Variants in MGAT5B observed in about 807,000 individuals in gnomAD.
MGAT5B encodes the protein alpha-1,6-mannosylglycoprotein 6-beta-N-acetylglucosaminyltransferase B, also known as N-acetylglucosaminyl-transferase Vb.
In MGAT5B, 54 loss-of-function variants were observed where a neutral mutation model predicts 95.1. That is an observed-to-expected ratio of 0.57 (90% confidence interval 0.46 to 0.71). MGAT5B has a LOEUF of 0.71. Among genes scored for constraint, MGAT5B ranks in the 30% least tolerant of loss-of-function variants. The probability of loss-of-function intolerance (pLI) is 0.00; values close to 1 mark genes in which losing one functional copy is unlikely to be tolerated. For synonymous variants in MGAT5B, 464 were observed against 451.0 expected (o/e 1.03, Z -0.36); for missense variants, 935 against 1,088.6 (o/e 0.86, Z 1.99).
intron 16 of MGAT5B, among the ~76,000 whole-genome samples, 185 bp downstream of exon 16, chr17:76,946,635 G>A (rs553772803): frequency 3.3e-5 from 5 of 150,132 alleles, no homozygotes; most frequent in Non-Finnish European, 7.5e-5. Context: ...CTGACTGCGG[G>A]CCTGGAAAGC....
chr17:76,928,482 G>A (rs951298289), intron 10 of MGAT5B, among the ~76,000 whole-genome samples: 1 of 152,008 alleles, frequency 6.6e-6, no homozygotes, highest in Non-Finnish European at 1.5e-5. Context: ...TGAGGCAGGC[G>A]GATCATGAGG....
chr17:76,871,536 T>C (rs144303774), intron 1 of MGAT5B, among the ~76,000 whole-genome samples: 282 of 152,352 alleles, frequency 1.9e-3, no homozygotes, highest in African/African-American at 6.1e-3. Context: ...TTGTGCTTTT[T>C]ATTTCCTTCT....
In MGAT5B at chr17:76,949,720, C is replaced by G. The variant is rs1970148506; in HGVS notation, c.*882C>G. 1 of 152,184 alleles carries G rather than the reference C, an allele frequency of 6.6e-6. No individual in the cohort carries two copies. The highest frequency in any genetic ancestry group is 2.4e-5 in the African/African-American group (1 of 41,422). 9.4% of individuals were successfully genotyped at this position (152,184 alleles called of 1,614,324 possible). A position where few individuals can be genotyped will look rare whatever the true frequency, so the allele number is the denominator to read the frequency against. Reference sequence around the variant, plus strand: ...AGGTTTCCAGTCCAGCCTCAGAGATCAGGCTCTGGGACCCCTGCCTGGGGG... The same window carrying G: ...AGGTTTCCAGTCCAGCCTCAGAGATGAGGCTCTGGGACCCCTGCCTGGGGG... On this transcript the variant is annotated 3_prime_UTR_variant, in exon 18 of 18. Coordinates refer to ENST00000569840, the MANE Select transcript of MGAT5B (RefSeq NM_001199172.2).
chr17:76,925,634 A>G (rs1969289266), intron 9 of MGAT5B, among the ~76,000 whole-genome samples: 1 of 152,090 alleles, frequency 6.6e-6, no homozygotes, highest in African/African-American at 2.4e-5. Context: ...ACGATCCCAC[A>G]TGATTTTATT....
At chr17:76,923,372 C>T (rs569699986) in intron 8 of MGAT5B, among the ~76,000 whole-genome samples, 1 of 134,390 alleles carries the variant, frequency 7.4e-6, no homozygotes, top group African/African-American at 3.1e-5. Context: ...TGTCCTGGGC[C>T]TCCTGCAGAG....
In MGAT5B at chr17:76,937,756, A is replaced by G. The variant is rs960857827; in HGVS notation, c.1429-232A>G. Among the ~76,000 whole-genome samples the G allele has an allele frequency of 2.0e-5, 3 of 152,208 alleles. No homozygotes were observed. In the East Asian group the frequency reaches 5.8e-4, roughly 29 times the overall value. The stretch of plus-strand genomic sequence containing the variant: ...CATAGGGTTCCTTTGGAAAGAAAAC[A>G]GTTTCATGGCTAAAAGTAATCCTGA... On this transcript the variant is annotated intron_variant, in intron 12 of 17. Transcript: ENST00000569840.
intron 2 of MGAT5B, among the ~76,000 whole-genome samples, chr17:76,879,588 C>T (rs1055265675): frequency 1.3e-5 from 2 of 151,972 alleles, no homozygotes; most frequent in Non-Finnish European, 2.9e-5. Context: ...ACCCTTTAGG[C>T]GGCCACAATA....
chr17:76,929,027 G>A (rs1969403421), intron 10 of MGAT5B, among the ~76,000 whole-genome samples: 1 of 151,986 alleles, frequency 6.6e-6, no homozygotes, highest in African/African-American at 2.4e-5. Context: ...CACTTAGCCT[G>A]GCTAATTTTT....
At chr17:76,908,182 C>A (rs767968482) in intron 8 of MGAT5B, among the ~76,000 whole-genome samples, 2 of 151,304 alleles carry the variant, frequency 1.3e-5, no homozygotes, top group Non-Finnish European at 2.9e-5. Flanking sequence ...AAAAGTTATC[C>A]ATCTTTTTCT....
intron 10 of MGAT5B, among the ~76,000 whole-genome samples, chr17:76,931,622 T>C (rs1009595924): frequency 1.4e-5 from 2 of 145,974 alleles, no homozygotes; most frequent in African/African-American, 2.5e-5. Flanking sequence ...AGGCAGAGCC[T>C]GGTGATTGTC....
intron 12 of MGAT5B, among the ~76,000 whole-genome samples, chr17:76,934,284 T>C (rs4789378): frequency 0.64 from 97,653 of 152,058 alleles, 31,516 homozygotes; most frequent in East Asian, 0.65. Context: ...GCCCACTCTA[T>C]AAATGAGGAC....
intron 15 of MGAT5B, chr17:76,946,153 C>A (rs1015492321): frequency 4.1e-6 from 2 of 485,646 alleles, no homozygotes; most frequent in Non-Finnish European, 7.3e-6. Context: ...TGAGGCTGGG[C>A]CTTGTGGGTC....
chr17:76,948,516 C>T, intron 17 of MGAT5B, 124 bp from the exon 18 acceptor site: 7 of 1,016,660 alleles, frequency 6.9e-6, no homozygotes, highest in Non-Finnish European at 1.0e-5. Context: ...CTTACCCAGG[C>T]TGGGATGGGA....
intron 11 of MGAT5B, 32 bp from the exon 12 acceptor site, chr17:76,933,260 T>C: frequency 6.3e-7 from 1 of 1,598,328 alleles, no homozygotes; most frequent in Non-Finnish European, 8.5e-7. Context: ...TCTCTCTCTC[T>C]GTTCCTTGTG....
intron 3 of MGAT5B, among the ~76,000 whole-genome samples, chr17:76,900,798 T>G (rs1688108): frequency 0.14 from 21,190 of 152,232 alleles, 1,958 homozygotes; most frequent in African/African-American, 0.24. Flanking sequence ...AAGAGTTTTA[T>G]GTTTGTTTGT....
At chr17:76,877,736 C>G (rs919092898) in intron 2 of MGAT5B, among the ~76,000 whole-genome samples, 1 of 152,188 alleles carries the variant, frequency 6.6e-6, no homozygotes, top group African/African-American at 2.4e-5. Flanking sequence ...CACCCAGTCA[C>G]AGTTCCCTTC....
chr17:76,938,068 C>T lies in MGAT5B; in HGVS notation c.1509C>T (p.Pro503=), dbSNP rs747717756. ...GTVYYESQRP[P]EVPAFVKNHG... ...TGTACTACGAGAGCCAGCGGCCCCCCGAGGTGCCAGCCTTTGTGAAGAACC... is the reference window on the plus strand; with the variant it reads ...TGTACTACGAGAGCCAGCGGCCCCCTGAGGTGCCAGCCTTTGTGAAGAACC... Residue 503 remains proline, a synonymous_variant, in exon 13 of 18, where the codon CCC becomes CCT. Coordinates refer to ENST00000569840, the MANE Select transcript of MGAT5B (RefSeq NM_001199172.2). The surrounding 1 kb of genome is among the most constrained non-coding windows in gnomAD (Gnocchi z 4.3). 18 of 1,614,140 alleles carry T rather than the reference C, an allele frequency of 1.1e-5. No individual in the cohort carries two copies. In the East Asian group the frequency reaches 1.6e-4, roughly 14 times the overall value.
chr17:76,895,267 G>A (rs145392578), intron 3 of MGAT5B, among the ~76,000 whole-genome samples: 225 of 151,984 alleles, frequency 1.5e-3, no homozygotes, highest in Non-Finnish European at 2.8e-3. Context: ...TCTAGTTGCA[G>A]GAAAATGAGT....
intron 2 of MGAT5B, among the ~76,000 whole-genome samples, chr17:76,881,341 C>T (rs1177226400): frequency 6.6e-6 from 1 of 152,178 alleles, no homozygotes; most frequent in Non-Finnish European, 1.5e-5. Context: ...CGCCTCAGCC[C>T]CAGGGAACCT....
Sources: gnomAD v4.1 joint callset for allele counts (sites outside exome capture counted in the v4.1 genomes callset) on GRCh38, gnomAD v4.1.1 for gene constraint, Gnocchi (gnomAD v3.1) non-coding constraint, MANE v1.5 for transcripts, NCBI Gene and HGNC (gene_info 2026-07-23, HGNC 2026-07-21) for gene names.